Variants in KATNIP observed in about 807,000 individuals in gnomAD.
The protein encoded by KATNIP is katanin-interacting protein.
In KATNIP, 126 loss-of-function variants were observed where a neutral mutation model predicts 174.0. The observed-to-expected ratio is 0.72, with a 90% CI of 0.63 to 0.84. The LOEUF (loss-of-function observed/expected upper bound fraction) is 0.84, where lower values mean the gene tolerates loss of function less well. Ranked by LOEUF, KATNIP falls within the 40% of genes least tolerant of loss-of-function variation. The probability of loss-of-function intolerance (pLI) is 0.00; values close to 1 mark genes in which losing one functional copy is unlikely to be tolerated. For synonymous variants in KATNIP, 810 were observed against 835.7 expected, an observed-to-expected ratio of 0.97 and a Z score of 0.53; for missense variants, 1,958 against 2,109.7, an observed-to-expected ratio of 0.93 and a Z score of 1.41.
intron 7 of KATNIP, among the ~76,000 whole-genome samples, chr16:27,680,477 G>A (rs1344905493): frequency 1.3e-5 from 2 of 152,186 alleles, no homozygotes; most frequent in Non-Finnish European, 2.9e-5. Flanking sequence ...TGATACTGGG[G>A]CATAAAGTGA....
Position 27,740,123 on chromosome 16 carries a change from G to C in KATNIP, c.1826G>C (p.Arg609Thr). The C allele has an allele frequency of 4.3e-6, 7 of 1,614,188 alleles. No homozygotes were observed. Among genetic ancestry groups the C allele is most frequent in the Non-Finnish European group, 5.1e-6 (6 of 1,180,034 alleles). Residue 609 changes from arginine (R) to threonine (T), a missense_variant, in exon 15 of 28, where the codon AGG becomes ACG. Physicochemically the swap from Arg to Thr is moderately conservative, Grantham distance 71. Around this residue, in one of 3 missense-constraint regions of KATNIP, gnomAD observed 1,557 missense variants for 1,617.8 expected, o/e 0.96. Coordinates refer to ENST00000261588, the MANE Select transcript of KATNIP (RefSeq NM_015202.5). ...IFNGKLDKGD[R>T]EAPADHSILV... ...AATGGCAAGTTAGACAAAGGAGATA[G>C]GGAGGCCCCAGCTGACCACAGCATC...
At chr16:27,767,307 C>T (rs559019329) in intron 20 of KATNIP, among the ~76,000 whole-genome samples, 2 of 152,240 alleles carry the variant, frequency 1.3e-5, no homozygotes, top group African/African-American at 2.4e-5. Flanking sequence ...CCTGCCACGG[C>T]GGATTGGCAT....
In KATNIP at chr16:27,572,925, T is replaced by G. The variant is rs182449807; in HGVS notation, c.8-976T>G. ...TTGGCTCTTCCCTTTATTCACACTT[T>G]CTTGGCAAAAGCATCATCCCTTGAG... On this transcript the variant is annotated intron_variant, in intron 1 of 27. Coordinates refer to ENST00000261588, the MANE Select transcript of KATNIP (RefSeq NM_015202.5). Among the ~76,000 whole-genome samples, 174 of 152,312 alleles carry G rather than the reference T, an allele frequency of 1.1e-3. 1 individual carries two copies. Among genetic ancestry groups the G allele is most frequent in the Admixed American group, 4.4e-3 (68 of 15,288 alleles).
At chr16:27,714,598 G>T (rs370436584) in intron 13 of KATNIP, among the ~76,000 whole-genome samples, 14 of 152,120 alleles carry the variant, frequency 9.2e-5, no homozygotes, top group African/African-American at 3.4e-4. Context: ...TGGGGGAGAA[G>T]ATTAAAATTA....
chr16:27,753,453 ACT>A (rs909257102), intron 17 of KATNIP, among the ~76,000 whole-genome samples: 1 of 152,000 alleles, frequency 6.6e-6, no homozygotes, highest in African/African-American at 2.4e-5. Context: ...TGGGGGGATC[ACT>A]CTCTCAGTCT....
intron 13 of KATNIP, among the ~76,000 whole-genome samples, chr16:27,720,344 A>G (rs2080169083): frequency 6.6e-6 from 1 of 151,542 alleles, no homozygotes; most frequent in African/African-American, 2.4e-5. Flanking sequence ...ACCTGCCTCC[A>G]CCTCCCAAAG....
In KATNIP at chr16:27,774,967, C is replaced by A; in HGVS notation, c.4332C>A (p.Ser1444Arg). The change falls in exon 24 of 28, where the codon AGC becomes AGA. Residue 1444 changes from serine to arginine, a missense_variant. Physicochemically the swap from Ser to Arg is moderately radical, Grantham distance 110. Transcript: ENST00000261588. ...SENNIAAFPD[S>R]VNSLEGVGGD... ...CAGATATTGCGGCCTTCCCCGACAG[C>A]GTGAACTCCCTGGAGGGTGTGGGCG... The A allele has an allele frequency of 6.2e-7, 1 of 1,613,942 alleles. No individual in the cohort carries two copies. The highest frequency in any genetic ancestry group is 1.7e-5 in the Admixed American group (1 of 60,016).
At position 27,766,339 on chromosome 16, in the gene KATNIP, G is replaced by A; in HGVS notation, c.3840G>A (p.Glu1280=). Residue 1280 remains glutamate (E), a synonymous_variant, in exon 20 of 28, where the codon GAG becomes GAA. Transcript: ENST00000261588. ...TTGATGGCACCAACATCACCATGGA[G>A]GATGAGCATATGTGGCTGATCCCCT... The part of the protein sequence containing the change: ...KLIDGTNITM[E]DEHMWLIPFS... 1.2e-6 allele frequency: 2 copies of A among 1,614,174 alleles called. No individual in the cohort carries two copies. Among genetic ancestry groups the A allele is most frequent in the African/African-American group, 1.3e-5 (1 of 75,060 alleles).
chr16:27,643,615 AAAG>A (rs2076869563), intron 5 of KATNIP, among the ~76,000 whole-genome samples: 2 of 150,914 alleles, frequency 1.3e-5, no homozygotes, highest in Non-Finnish European at 3.0e-5. Flanking sequence ...AAAAAAAAAA[AAAG>A]AACTAAATGA....
intron 8 of KATNIP, among the ~76,000 whole-genome samples, chr16:27,689,010 A>T (rs1292511994): frequency 6.6e-6 from 1 of 152,222 alleles, no homozygotes; most frequent in Non-Finnish European, 1.5e-5. Context: ...TAGCCACCCA[A>T]AAGGCTGAGA....
chr16:27,765,246 G>A (rs1420844846), intron 19 of KATNIP, among the ~76,000 whole-genome samples: 2 of 152,222 alleles, frequency 1.3e-5, no homozygotes, highest in South Asian at 2.1e-4. Context: ...CGAGGACAAG[G>A]GCCTGAGGCC....
rs773747859 is a variant in KATNIP at position 27,699,519 on chromosome 16, A to T, written c.1114-15A>T. The T allele has an allele frequency of 6.2e-7, 1 of 1,614,018 alleles. No homozygotes were observed. The stretch of plus-strand genomic sequence containing the variant: ...CTTTGTTCCAACATCACATCATGTG[A>T]TCACATCCTTCCAGGATGCAGAAGG... On this transcript the variant is annotated splice_polypyrimidine_tract_variant and intron_variant, in intron 9 of 27. Transcript: ENST00000261588.
chr16:27,747,897 C>T lies in KATNIP; in HGVS notation c.2624-1687C>T, dbSNP rs545466957. Among the ~76,000 whole-genome samples, 78 of 152,206 alleles carry T rather than the reference C, an allele frequency of 5.1e-4. 1 individual carries two copies. The highest frequency in any genetic ancestry group is 3.4e-3 in the Middle Eastern group (1 of 294). On this transcript the variant is annotated intron_variant, in intron 15 of 27. Coordinates refer to ENST00000261588, the MANE Select transcript of KATNIP (RefSeq NM_015202.5). ...CCAGGTAGGAGAGATTTATGCATGTCTGCAGGCAAAGAGGGGAAAGTGCCA... is the reference window on the plus strand; with the variant it reads ...CCAGGTAGGAGAGATTTATGCATGTTTGCAGGCAAAGAGGGGAAAGTGCCA...
chr16:27,644,444 G>A (rs1221543821), intron 5 of KATNIP: 1 of 152,158 alleles, frequency 6.6e-6, no homozygotes, highest in African/African-American at 2.4e-5. Context: ...CGGAGACCTT[G>A]TCTCTCAATT....
At chr16:27,621,244 C>T (rs144248287) in intron 3 of KATNIP, among the ~76,000 whole-genome samples, 44 of 152,004 alleles carry the variant, frequency 2.9e-4, no homozygotes, top group African/African-American at 5.6e-4. Flanking sequence ...GATTATGCCA[C>T]TGCACTCCAG....
chr16:27,702,166 G>A (rs2079126118), intron 11 of KATNIP, among the ~76,000 whole-genome samples: 1 of 152,060 alleles, frequency 6.6e-6, no homozygotes, highest in Admixed American at 6.6e-5. Context: ...TTTCTTTTAG[G>A]CATATGGCTC....
intron 4 of KATNIP, among the ~76,000 whole-genome samples, chr16:27,629,495 ATTTCTGTAT>A: frequency 6.6e-6 from 1 of 152,180 alleles, no homozygotes; most frequent in Non-Finnish European, 1.5e-5. Flanking sequence ...TTTACCACTC[ATTTCTGTAT>A]TTAGTTAATC....
intron 3 of KATNIP, among the ~76,000 whole-genome samples, chr16:27,623,080 C>T (rs1421606357): frequency 6.6e-6 from 1 of 152,292 alleles, no homozygotes; most frequent in East Asian, 1.9e-4. Flanking sequence ...TCCCTGTCTT[C>T]ACCCTTCAAG....
chr16:27,768,955 G>C (rs913063653), intron 20 of KATNIP, among the ~76,000 whole-genome samples: 2 of 152,220 alleles, frequency 1.3e-5, no homozygotes, highest in Non-Finnish European at 2.9e-5. Context: ...GGAGAACCAG[G>C]CTCCAAAATC....
Sources: gnomAD v4.1 joint callset for allele counts (sites outside exome capture counted in the v4.1 genomes callset) on GRCh38, gnomAD v4.1.1 for gene constraint, gnomAD v4.1.1 regional missense constraint, MANE v1.5 for transcripts, NCBI Gene and HGNC (gene_info 2026-07-23, HGNC 2026-07-21) for gene names.